TNRC18: variants seen among roughly 807,000 people sequenced by gnomAD.
TNRC18 encodes the protein trinucleotide repeat containing 18.
In TNRC18, 69 loss-of-function variants were observed where a neutral mutation model predicts 226.7. The observed-to-expected ratio is 0.30, with a 90% CI of 0.25 to 0.37. The LOEUF (loss-of-function observed/expected upper bound fraction) is 0.37, where lower values mean the gene tolerates loss of function less well. Among genes scored for constraint, TNRC18 ranks in the 10% least tolerant of loss-of-function variants. The pLI is 1.00. For synonymous variants in TNRC18, 2,449 were observed against 1,927.6 expected, an observed-to-expected ratio of 1.27 and a Z score of -7.09; for missense variants, 4,754 against 4,256.6, an observed-to-expected ratio of 1.12 and a Z score of -3.25.
intron 19 of TNRC18, among the ~76,000 whole-genome samples, chr7:5,331,253 T>C (rs1789491678): frequency 2.0e-5 from 3 of 152,152 alleles, no homozygotes; most frequent in Admixed American, 6.5e-5. Flanking sequence ...CGTCAAAACC[T>C]AGCTGTTAAG....
chr7:5,370,550 A>G lies in TNRC18; in HGVS notation c.4044T>C (p.Ala1348=), dbSNP rs769093225. ...GAGGCCTGGCCTGGGGCAGCTCCGCAGCTGCCGCCAGGGCGTTCATGCCAG... is the reference window on the plus strand; with the variant it reads ...GAGGCCTGGCCTGGGGCAGCTCCGCGGCTGCCGCCAGGGCGTTCATGCCAG... ...PLAGMNALAA[A]AELPQARPLP... Residue 1348 remains alanine (A), a synonymous_variant, in exon 11 of 30, where the codon GCT becomes GCC. Transcript: ENST00000430969. The G allele has an allele frequency of 6.2e-7, 1 of 1,608,966 alleles. No individual in the cohort carries two copies. The highest frequency in any genetic ancestry group is 2.2e-5 in the East Asian group (1 of 44,668).
At chr7:5,395,156 T>A (rs978245871) in intron 2 of TNRC18, among the ~76,000 whole-genome samples, 14 of 152,138 alleles carry the variant, frequency 9.2e-5, no homozygotes, top group African/African-American at 3.4e-4. Context: ...AGATGGGAAG[T>A]GCCAGGTCAC....
chr7:5,345,793 C>T lies in TNRC18; in HGVS notation c.5488G>A (p.Glu1830Lys), dbSNP rs764141660. 3 of 1,544,708 alleles carry T rather than the reference C, an allele frequency of 1.9e-6. No individual in the cohort carries two copies. The highest frequency in any genetic ancestry group is 1.2e-5 in the South Asian group (1 of 83,890). The change falls in exon 18 of 30, where the codon GAG becomes AAG. Residue 1830 changes from glutamate (E) to lysine (K), a missense_variant. Glu to Lys is a moderately conservative substitution (Grantham distance 56). Transcript: ENST00000430969. ...SFDQDESSEEEDEEEELEEED... is the reference protein window; with the variant it reads ...SFDQDESSEEKDEEEELEEED... ...TCCTCGAGCTCCTCCTCCTCGTCCT[C>T]CTCCTCCGAGCTCTCATCTGGCGTG... is the stretch of plus-strand genomic sequence containing the variant.
chr7:5,392,502 T>A (rs538425005), intron 3 of TNRC18, among the ~76,000 whole-genome samples: 6 of 152,060 alleles, frequency 3.9e-5, no homozygotes, highest in Non-Finnish European at 8.8e-5. Flanking sequence ...TAATCCCAGC[T>A]ACTCAGGAGG....
In TNRC18 at chr7:5,394,274, G is replaced by A. The variant is rs1023074450; in HGVS notation, c.343+166C>T. Among the ~76,000 whole-genome samples, 2 of 152,164 alleles carry A rather than the reference G, an allele frequency of 1.3e-5. No individual in the cohort carries two copies. The highest frequency in any genetic ancestry group is 4.8e-5 in the African/African-American group (2 of 41,434). On this transcript the variant is annotated intron_variant, in intron 3 of 29. Coordinates refer to ENST00000430969, the MANE Select transcript of TNRC18 (RefSeq NM_001080495.3). The surrounding 1 kb of genome is among the most constrained non-coding windows in gnomAD (Gnocchi z 4.5). ...CAGCTCATACAAATGCCCTGTGACA[G>A]TGACAAGAAGAAGCCCTGAGCGTTT...
At chr7:5,387,251 T>A (rs1221377440) in intron 5 of TNRC18, among the ~76,000 whole-genome samples, 1 of 152,182 alleles carries the variant, frequency 6.6e-6, no homozygotes, top group Non-Finnish European at 1.5e-5. Context: ...CATTCACTCA[T>A]CCATCAAACA....
rs183183335 is a variant in TNRC18, at chr7:5,313,229, G to A, written c.7662C>T (p.Ala2554=). Residue 2554 remains alanine (A), a synonymous_variant, in exon 27 of 30, where the codon GCC becomes GCT. Transcript: ENST00000430969. Reference sequence around the variant, plus strand: ...TGCTGCTGCTGCTCTCGGACTCTTCGGCCCCGTCCTGCTCAGCCTGGGCCT... The same window carrying A: ...TGCTGCTGCTGCTCTCGGACTCTTCAGCCCCGTCCTGCTCAGCCTGGGCCT... The part of the protein sequence containing the change: ...PDKAQAEQDG[A]EESESSSSSS... 58 of 1,548,774 alleles carry A rather than the reference G, an allele frequency of 3.7e-5. No individual in the cohort carries two copies. Among genetic ancestry groups the A allele is most frequent in the Admixed American group, 2.2e-4 (11 of 50,968 alleles).
intron 25 of TNRC18, 33 bp from the exon 26 acceptor site, chr7:5,315,181 C>T (rs1353335628): frequency 4.4e-6 from 7 of 1,594,028 alleles, no homozygotes; most frequent in Non-Finnish European, 5.1e-6. Flanking sequence ...GCTCATCAGG[C>T]CTGGGGTCCC....
chr7:5,311,755 C>G (rs2128102624), intron 27 of TNRC18, among the ~76,000 whole-genome samples: 1 of 151,910 alleles, frequency 6.6e-6, no homozygotes, highest in Middle Eastern at 3.4e-3. Context: ...AAGTTCAAAG[C>G]TGCAGTGAGC....
chr7:5,357,330 G>T, intron 15 of TNRC18, 54 bp from the exon 16 acceptor site: 4 of 1,529,754 alleles, frequency 2.6e-6, no homozygotes, highest in South Asian at 2.5e-5. Flanking sequence ...CAGTATAGTG[G>T]GTTTCAGTGC....
rs186247192 is a variant in TNRC18 at position 5,336,873 on chromosome 7, G to T, written c.5720-3824C>A. 5.4e-3 allele frequency among the ~76,000 whole-genome samples: 828 copies of T among 152,302 alleles called. 4 individuals are homozygous for T. Among genetic ancestry groups the T allele is most frequent in the Non-Finnish European group, 9.5e-3 (648 of 68,032 alleles). Reference sequence around the variant, plus strand: ...AGTGAGTTTATGAGTTTGGGTGTGGGGGAACCAGCCTCAGAGACCTGTCAG... The same window carrying T: ...AGTGAGTTTATGAGTTTGGGTGTGGTGGAACCAGCCTCAGAGACCTGTCAG... On this transcript the variant is annotated intron_variant, in intron 18 of 29. Coordinates refer to ENST00000430969, the MANE Select transcript of TNRC18 (RefSeq NM_001080495.3).
chr7:5,309,935 A>C lies in TNRC18; in HGVS notation c.8389-567T>G, dbSNP rs1295045462. Among the ~76,000 whole-genome samples, 1 of 151,894 alleles carries C rather than the reference A, an allele frequency of 6.6e-6. No individual in the cohort carries two copies. Among genetic ancestry groups the C allele is most frequent in the Non-Finnish European group, 1.5e-5 (1 of 67,966 alleles). ...TTTTGAAAATTACTTTTTTCAGAGA[A>C]AGGGTCTTGCTCTGTCACCCAGGCA... is the stretch of plus-strand genomic sequence containing the variant. On this transcript the variant is annotated intron_variant, in intron 27 of 29. Coordinates refer to ENST00000430969, the MANE Select transcript of TNRC18 (RefSeq NM_001080495.3). This position sits in a 1 kb window ranked among gnomAD's most constrained non-coding sequence, Gnocchi z 5.7.
chr7:5,416,983 T>TA (rs979358211), intron 2 of TNRC18, among the ~76,000 whole-genome samples: 488 of 16,314 alleles, frequency 0.03, 4 homozygotes, highest in African/African-American at 0.058. Context: ...CCCTGTCTCT[T>TA]AAAAAAAAAA....
chr7:5,404,480 G>A (rs1781331570), intron 2 of TNRC18, among the ~76,000 whole-genome samples: 1 of 152,206 alleles, frequency 6.6e-6, no homozygotes, highest in Non-Finnish European at 1.5e-5. Context: ...AAACAGTGAT[G>A]TCATTTTCAT....
chr7:5,420,620 G>A (rs559583993), intron 2 of TNRC18: 1 of 459,180 alleles, frequency 2.2e-6, no homozygotes, highest in Non-Finnish European at 4.4e-6. Context: ...GGTGGAGCTG[G>A]GAACAGAACC....
intron 18 of TNRC18, 45 bp downstream of exon 18, chr7:5,345,517 G>GGGGGGGGGCCCCCCCACCCCCCCC: frequency 2.6e-6 from 1 of 377,744 alleles, no homozygotes; most frequent in South Asian, 4.4e-5. Flanking sequence ...AATGGCGTCC[G>GGGGGGGGGCCCCCCCACCCCCCCC]CCCCTCCCAC....
At chr7:5,363,282 A>G (rs1037615051) in intron 11 of TNRC18, among the ~76,000 whole-genome samples, 2 of 150,100 alleles carry the variant, frequency 1.3e-5, no homozygotes, top group Non-Finnish European at 3.0e-5. Context: ...CAGCCTGAGC[A>G]ACAGAGCAAG....
chr7:5,417,594 C>T (rs1480221695), intron 2 of TNRC18, among the ~76,000 whole-genome samples: 3 of 152,216 alleles, frequency 2.0e-5, no homozygotes, highest in Non-Finnish European at 4.4e-5. Flanking sequence ...GGTTCACTGC[C>T]GCATTCCTGG....
At position 5,370,921 on chromosome 7, in the gene TNRC18, C is replaced by T. The variant is rs189425193; in HGVS notation, c.3673G>A (p.Gly1225Arg). 1.8e-4 allele frequency: 281 copies of T among 1,605,570 alleles called. No individual in the cohort carries two copies. In the African/African-American group the frequency reaches 3.2e-3, roughly 19 times the overall value. Residue 1225 changes from glycine to arginine, a missense_variant, in exon 11 of 30, where the codon GGG (glycine) becomes AGG (arginine). By Grantham distance (125) the Gly-to-Arg change is moderately radical. Transcript: ENST00000430969. Reference sequence around the variant, plus strand: ...GGGGAATCCACCCGTGGTTCAGGCCCCTCCACAAAGTCTGGACACTCAGAG... The same window carrying T: ...GGGGAATCCACCCGTGGTTCAGGCCTCTCCACAAAGTCTGGACACTCAGAG... The part of the protein sequence containing the change: ...EPSECPDFVE[G>R]PEPRVDSPGR...
Sources: allele counts gnomAD v4.1 joint callset (sites outside exome capture counted in the v4.1 genomes callset), GRCh38; gene constraint gnomAD v4.1.1; non-coding constraint Gnocchi (gnomAD v3.1); transcripts MANE v1.5; gene names NCBI Gene and HGNC (gene_info 2026-07-23, HGNC 2026-07-21).